SREK1: variants seen among roughly 807,000 people sequenced by gnomAD.
SREK1 encodes the protein splicing regulatory glutamine/lysine-rich protein 1.
SREK1 carries 13 observed loss-of-function variants against 66.5 expected under a neutral mutation model. The ratio of observed to expected loss-of-function variants is 0.20; its 90% CI spans 0.13 to 0.31. The LOEUF is 0.31. Among genes scored for constraint, SREK1 ranks in the 10% least tolerant of loss-of-function variants. SREK1 has a pLI of 1.00. For missense variants in SREK1, 607 were observed against 769.6 expected, an observed-to-expected ratio of 0.79 and a Z score of 2.50; for synonymous variants, 265 against 263.5, an observed-to-expected ratio of 1.01 and a Z score of -0.05.
intron 2 of SREK1, chr5:66,157,461 C>G (rs1323372403): frequency 1.0e-6 from 1 of 985,038 alleles, no homozygotes; most frequent in Non-Finnish European, 1.2e-6. Flanking sequence ...GTTTCTGCCT[C>G]AAAACCTCAA....
chr5:66,164,079 C>A, intron 6 of SREK1, 157 bp downstream of exon 6: 1 of 822,010 alleles, frequency 1.2e-6, no homozygotes, highest in Non-Finnish European at 1.8e-6. Context: ...TGTCAAAGAA[C>A]AACTTAGCCC....
In SREK1 at chr5:66,182,794, C is replaced by CT. The variant is rs1460065257; in HGVS notation, c.*3927dup. 1 of 152,160 alleles carries CT rather than the reference C, an allele frequency of 6.6e-6. No homozygotes were observed. Among genetic ancestry groups the CT allele is most frequent in the Non-Finnish European group, 1.5e-5 (1 of 68,058 alleles). The allele number at this position is 152,160 out of a possible 1,614,324, so 9.4% of individuals were successfully genotyped here. On this transcript the variant is annotated 3_prime_UTR_variant, in exon 12 of 12. Coordinates refer to ENST00000334121, the MANE Select transcript of SREK1 (RefSeq NM_001077199.3). ...TGTTGCCTAGACTGGTCTCAAACTC[C>CT]TGGGCTCAAACAATCTGTCTGCCTC...
At chr5:66,168,177 ATAG>A (rs1365747367) in intron 7 of SREK1, 3 of 152,162 alleles carry the variant, frequency 2.0e-5, no homozygotes, top group Non-Finnish European at 2.9e-5. Flanking sequence ...TTACAGCCAA[ATAG>A]TAGATGAGTA....
At chr5:66,177,799 A>C in intron 11 of SREK1, 141 bp downstream of exon 11, 1 of 646,444 alleles carries the variant, frequency 1.5e-6, no homozygotes, top group East Asian at 3.4e-5. Context: ...TAAAATATTT[A>C]ATTGGTAATT....
intron 1 of SREK1, among the ~76,000 whole-genome samples, chr5:66,145,698 A>G (rs538176571): frequency 2.0e-5 from 3 of 150,810 alleles, no homozygotes; most frequent in Non-Finnish European, 4.4e-5. Flanking sequence ...TTTTACGAGC[A>G]TTTTGTCTGT....
At chr5:66,171,087 GT>G in intron 9 of SREK1, 140 bp downstream of exon 9, 2 of 1,064,350 alleles carry the variant, frequency 1.9e-6, no homozygotes, top group Non-Finnish European at 2.6e-6. Context: ...TAATTTCAGA[GT>G]AAACATTTCT....
chr5:66,167,171 C>T (rs1745245464), intron 7 of SREK1: 1 of 152,212 alleles, frequency 6.6e-6, no homozygotes, highest in Admixed American at 6.5e-5. Flanking sequence ...CCCCCACAGC[C>T]TTTCCCTGTT....
At chr5:66,151,040 C>T (rs191286777) in intron 1 of SREK1, among the ~76,000 whole-genome samples, 2 of 152,130 alleles carry the variant, frequency 1.3e-5, no homozygotes, top group Non-Finnish European at 2.9e-5. Context: ...GGGGTTTCAT[C>T]ATGTTGGCTA....
chr5:66,170,839 G>A lies in SREK1; in HGVS notation c.1376G>A (p.Arg459Gln). 2 of 1,613,444 alleles carry A rather than the reference G, an allele frequency of 1.2e-6. No individual in the cohort carries two copies. Among genetic ancestry groups the A allele is most frequent in the South Asian group, 2.2e-5 (2 of 91,024 alleles). Residue 459 changes from arginine (R) to glutamine (Q), a missense_variant, in exon 9 of 12, where the codon CGA becomes CAA. This residue lies in a region of SREK1 where 318 missense variants were observed against 310.3 expected (regional missense o/e 1.02). Transcript: ENST00000334121. Reference protein sequence around the residue: ...KEKEQDKEKEREKDRSKEIDE... With the variant: ...KEKEQDKEKEQEKDRSKEIDE... ...AAGGAACAGGACAAAGAAAAGGAAC[G>A]AGAAAAAGACAGATCCAAAGAGATA...
At chr5:66,145,077 A>G in intron 1 of SREK1, 3 of 985,794 alleles carry the variant, frequency 3.0e-6, no homozygotes, top group Non-Finnish European at 3.6e-6. Flanking sequence ...TGGTTTATCT[A>G]ACCGAGCGCA....
chr5:66,148,822 G>T (rs1743498330), intron 1 of SREK1, among the ~76,000 whole-genome samples: 1 of 150,962 alleles, frequency 6.6e-6, no homozygotes, highest in Admixed American at 6.6e-5. Context: ...CTTTTTATGT[G>T]TTTTTTTTTC....
intron 2 of SREK1, chr5:66,156,424 T>C: frequency 9.2e-7 from 1 of 1,082,614 alleles, no homozygotes; most frequent in Non-Finnish European, 1.1e-6. Context: ...ATAAAGCAAA[T>C]TTTCATGTGG....
intron 2 of SREK1, among the ~76,000 whole-genome samples, chr5:66,154,635 G>A (rs1157949715): frequency 6.6e-6 from 1 of 152,058 alleles, no homozygotes; most frequent in African/African-American, 2.4e-5. Context: ...TGCCTGTTCT[G>A]GGATGTCAAA....
Position 66,175,022 on chromosome 5 carries a change from A to G in SREK1, c.1561A>G (p.Arg521Gly). The change falls in exon 10 of 12, where the codon AGA (arginine) becomes GGA (glycine). Residue 521 changes from arginine to glycine, a missense_variant. By Grantham distance (125) the Arg-to-Gly change is moderately radical (BLOSUM62 -2). Coordinates refer to ENST00000334121, the MANE Select transcript of SREK1 (RefSeq NM_001077199.3). ...TSKTIKRKSS[R>G]SPSPRSRNKK... The stretch of plus-strand genomic sequence containing the variant: ...AAAAACCATAAAAAGGAAATCTTCT[A>G]GATCTCCGTCCCCCAGGAGGTAGGT... 3 of 1,612,362 alleles carry G rather than the reference A, an allele frequency of 1.9e-6. No individual in the cohort carries two copies. The highest frequency in any genetic ancestry group is 1.3e-5 in the African/African-American group (1 of 75,034).
Position 66,170,064 on chromosome 5 carries a change from AATAG to A in SREK1, c.1018_1021del (p.Arg340HisfsTer50). On this transcript the variant is annotated frameshift_variant, in exon 8 of 12. Coordinates refer to ENST00000334121, the MANE Select transcript of SREK1 (RefSeq NM_001077199.3). LOFTEE classifies it high-confidence loss of function. ...TTTTTTCTTTAGGAGTAGATCCCAT[AATAG>A]ATCACGTTCAAGACAGAAAGACAGA... is the stretch of plus-strand genomic sequence containing the variant. 6.2e-7 allele frequency: 1 copy of A among 1,603,462 alleles called. No individual in the cohort carries two copies. The highest frequency in any genetic ancestry group is 8.5e-7 in the Non-Finnish European group (1 of 1,175,256).
In SREK1 at chr5:66,162,418, C is replaced by T. The variant is rs766433476; in HGVS notation, c.581C>T (p.Thr194Met). ...AGTGTCACTTTGTTCCCTTAGACAA[C>T]GACAGCTGATCAACTACTTGAATTT... The part of the protein sequence containing the change: ...VYVGNLNSQT[T>M]TADQLLEFFK... Residue 194 changes from threonine (T) to methionine (M), a missense_variant, in exon 5 of 12, where the codon ACG becomes ATG. Physicochemically the swap from Thr to Met is moderately conservative, Grantham distance 81. This residue lies in a region of SREK1 where 99 missense variants were observed against 186.6 expected (regional missense o/e 0.53). Coordinates refer to ENST00000334121, the MANE Select transcript of SREK1 (RefSeq NM_001077199.3). 47 of 1,613,630 alleles carry T rather than the reference C, an allele frequency of 2.9e-5. No individual in the cohort carries two copies. In the East Asian group the frequency reaches 3.8e-4, roughly 13 times the overall value.
intron 1 of SREK1, among the ~76,000 whole-genome samples, chr5:66,152,327 G>C (rs1444189355): frequency 6.6e-6 from 1 of 152,188 alleles, no homozygotes; most frequent in Non-Finnish European, 1.5e-5. Flanking sequence ...AGATGGTTTT[G>C]TTCCTGGACG....
intron 1 of SREK1, chr5:66,144,930 G>T (rs769263859): frequency 1.0e-4 from 99 of 992,618 alleles, no homozygotes; most frequent in Non-Finnish European, 1.1e-4. Flanking sequence ...AAATCGCGGA[G>T]ACCGCGCCTG....
At chr5:66,159,105 A>G in intron 2 of SREK1, 114 bp from the exon 3 acceptor site, 1 of 1,435,950 alleles carries the variant, frequency 7.0e-7, no homozygotes, top group Non-Finnish European at 9.1e-7. Flanking sequence ...CAGATCTGAT[A>G]GATAGATTCA....
Sources: gnomAD v4.1 joint callset for allele counts (sites outside exome capture counted in the v4.1 genomes callset) on GRCh38, gnomAD v4.1.1 for gene constraint, gnomAD v4.1.1 regional missense constraint, MANE v1.5 for transcripts, NCBI Gene and HGNC (gene_info 2026-07-23, HGNC 2026-07-21) for gene names.